ZC4H2: variants seen among roughly 807,000 people sequenced by gnomAD.
ZC4H2 encodes the protein zinc finger C4H2-type containing, also known as zinc finger C4H2 domain-containing protein.
For missense variants in ZC4H2, 137 were observed against 173.9 expected (o/e 0.79, Z 1.19); for synonymous variants, 84 against 66.3 (o/e 1.27, Z -1.30).
At chrX:64,974,973 CAAAAAAAA>C (rs58569761) in intron 1 of ZC4H2, among the ~76,000 whole-genome samples, 22 of 35,848 alleles carry the variant, frequency 6.1e-4, no homozygotes, top group South Asian at 3.8e-3. Context: ...ATGCTTTTGC[CAAAAAAAA>C]AAAAAAAAAA....
At chrX:64,928,694 T>C (rs7886402) in intron 1 of ZC4H2, among the ~76,000 whole-genome samples, 63 of 94,770 alleles carry the variant, frequency 6.6e-4, no homozygotes, top group Middle Eastern at 5.1e-3. Context: ...CCTCCTCCTC[T>C]TCTTCTTCTC....
chrX:64,961,198 A>G (rs1931376730), intron 1 of ZC4H2, among the ~76,000 whole-genome samples: 1 of 111,654 alleles, frequency 9.0e-6, no homozygotes, highest in African/African-American at 3.2e-5. Context: ...TCATTACATA[A>G]TGTTCTTCTT....
At chrX:65,019,746 A>C (rs2147291003) in intron 1 of ZC4H2, among the ~76,000 whole-genome samples, 1 of 112,437 alleles carries the variant, frequency 8.9e-6, no homozygotes, top group African/African-American at 3.2e-5. Context: ...TCTGAGCTAA[A>C]GGAGCATGTT....
At position 64,916,889 on chromosome X, in the gene ZC4H2, C is replaced by T. The variant is rs1928958148; in HGVS notation, c.*894G>A. ...GCATTTACTCAAATCTAAATCTACTCCTCTCCTCCCTGCAATATACCATTG... is the reference window on the plus strand; with the variant it reads ...GCATTTACTCAAATCTAAATCTACTTCTCTCCTCCCTGCAATATACCATTG... On this transcript the variant is annotated 3_prime_UTR_variant, in exon 5 of 5. Coordinates refer to ENST00000374839, the MANE Select transcript of ZC4H2 (RefSeq NM_018684.4). The T allele has an allele frequency of 8.9e-6, 1 of 112,137 alleles. No homozygotes were observed. The highest frequency in any genetic ancestry group is 3.2e-5 in the African/African-American group (1 of 30,772). The allele number at this position is 112,137 out of a possible 1,213,427, so 9.2% of individuals were successfully genotyped here.
At chrX:64,936,807 C>T in intron 1 of ZC4H2, among the ~76,000 whole-genome samples, 1 of 111,772 alleles carries the variant, frequency 8.9e-6, no homozygotes. Flanking sequence ...AGGTACCAGT[C>T]ACTGCAAAAA....
chrX:65,026,633 C>T (rs1248634820), intron 1 of ZC4H2, among the ~76,000 whole-genome samples: 3 of 110,106 alleles, frequency 2.7e-5, no homozygotes, highest in Admixed American at 9.6e-5. Flanking sequence ...GGCGTGAACC[C>T]GGGTGGCAAA....
intron 1 of ZC4H2, among the ~76,000 whole-genome samples, chrX:64,942,740 T>C (rs1930348331): frequency 8.9e-6 from 1 of 112,035 alleles, no homozygotes; most frequent in African/African-American, 3.2e-5. Flanking sequence ...TTGATGGGCA[T>C]TTGCATTGGT....
intron 1 of ZC4H2, among the ~76,000 whole-genome samples, chrX:64,928,638 T>TCTC (rs769793313): frequency 1.4e-4 from 9 of 65,254 alleles, no homozygotes; most frequent in Non-Finnish European, 2.4e-4. Flanking sequence ...TTCTCCTTCT[T>TCTC]CTTCTTCTTC....
chrX:64,916,988 A>T lies in ZC4H2; in HGVS notation c.*795T>A, dbSNP rs1377029688. ...GCCTGGGGGCACTCTCAGCCTAAGG[A>T]AGCCCCTACAGCCGAGCCCTCAGCC... On this transcript the variant is annotated 3_prime_UTR_variant, in exon 5 of 5. Coordinates refer to ENST00000374839, the MANE Select transcript of ZC4H2 (RefSeq NM_018684.4). 8.9e-6 allele frequency: 1 copy of T among 112,387 alleles called. No homozygotes were observed. The highest frequency in any genetic ancestry group is 1.9e-5 in the Non-Finnish European group (1 of 53,267). The allele number at this position is 112,387 out of a possible 1,213,427, so 9.3% of individuals were successfully genotyped here. A position where few individuals can be genotyped will look rare whatever the true frequency, so the allele number is the denominator to read the frequency against.
intron 1 of ZC4H2, among the ~76,000 whole-genome samples, chrX:64,932,913 G>C (rs1385001865): frequency 1.8e-5 from 2 of 111,540 alleles, no homozygotes; most frequent in African/African-American, 6.5e-5. Context: ...CCTCTAGCAA[G>C]GCCAGGGAAG....
chrX:64,976,962 G>T (rs1931969875), upstream of ZC4H2, among the ~76,000 whole-genome samples: 1 of 109,655 alleles, frequency 9.1e-6, no homozygotes. Flanking sequence ...ATGGGAGGAG[G>T]GAGATGCTGC....
At chrX:64,988,100 C>T (rs370578339) in intron 1 of ZC4H2, among the ~76,000 whole-genome samples, 3 of 109,870 alleles carry the variant, frequency 2.7e-5, no homozygotes, top group Admixed American at 9.7e-5. Flanking sequence ...TTCCATGGTG[C>T]ATATGTGCCA....
intron 1 of ZC4H2, among the ~76,000 whole-genome samples, chrX:64,961,216 A>C (rs1472439537): frequency 9.0e-6 from 1 of 111,577 alleles, no homozygotes; most frequent in East Asian, 2.8e-4. Context: ...CTTTGTTTTT[A>C]AATGACGGTT....
intron 1 of ZC4H2, among the ~76,000 whole-genome samples, chrX:64,951,004 T>C (rs1569213243): frequency 9.1e-6 from 1 of 110,260 alleles, no homozygotes; most frequent in Non-Finnish European, 1.9e-5. Flanking sequence ...CCCCTTCCTG[T>C]GTCCATGTGT....
At chrX:65,002,943 C>A (rs1419853712) in intron 1 of ZC4H2, among the ~76,000 whole-genome samples, 1 of 110,200 alleles carries the variant, frequency 9.1e-6, no homozygotes, top group African/African-American at 3.3e-5. Context: ...GGTCCTCTGC[C>A]TAGGAAAACC....
At chrX:65,005,291 G>T (rs1932632960) in intron 1 of ZC4H2, among the ~76,000 whole-genome samples, 2 of 111,147 alleles carry the variant, frequency 1.8e-5, no homozygotes, top group African/African-American at 6.6e-5. Context: ...TAAGCAAAAA[G>T]AACAAAGCTG....
At chrX:65,001,289 T>G (rs983902352) in intron 1 of ZC4H2, among the ~76,000 whole-genome samples, 1 of 111,585 alleles carries the variant, frequency 9.0e-6, no homozygotes, top group Admixed American at 9.5e-5. Context: ...GGGGCCAATA[T>G]CCAACATTCT....
intron 1 of ZC4H2, among the ~76,000 whole-genome samples, chrX:65,007,345 G>A (rs1441478919): frequency 8.9e-6 from 1 of 111,913 alleles, no homozygotes; most frequent in African/African-American, 3.2e-5. Flanking sequence ...GGGTTTTCTA[G>A]TTTTTGTTAC....
At chrX:65,024,564 AAAAC>A (rs770636078) in intron 1 of ZC4H2, among the ~76,000 whole-genome samples, 7 of 112,089 alleles carry the variant, frequency 6.2e-5, no homozygotes, top group African/African-American at 9.7e-5. Flanking sequence ...TTATATGAAA[AAAAC>A]AAACAAACAA....
Sources: gnomAD v4.1 joint callset for allele counts (sites outside exome capture counted in the v4.1 genomes callset) on GRCh38, gnomAD v4.1.1 for gene constraint, MANE v1.5 for transcripts, NCBI Gene and HGNC (gene_info 2026-07-23, HGNC 2026-07-21) for gene names.